The following DYM variants were observed in gnomAD, a reference collection of about 807,000 sequenced individuals.
DYM encodes the protein dyggve-Melchior-Clausen syndrome protein.
A neutral mutation model predicts 93.1 loss-of-function variants in DYM; 78 were observed. The ratio of observed to expected loss-of-function variants is 0.84; its 90% CI spans 0.70 to 1.01. The LOEUF (loss-of-function observed/expected upper bound fraction) is 1.01. Among genes scored for constraint, DYM ranks in the 50% least tolerant of loss-of-function variants. DYM has a pLI of 0.00. For synonymous variants in DYM, 321 were observed against 319.7 expected (o/e 1.00, Z -0.04); for missense variants, 789 against 845.0 (o/e 0.93, Z 0.82).
chr18:49,041,186 G>T lies in DYM; in HGVS notation c.*2869C>A, dbSNP rs1345026608. 6.6e-6 allele frequency among the ~76,000 whole-genome samples: 1 copy of T among 152,188 alleles called. No individual in the cohort carries two copies. The highest frequency in any genetic ancestry group is 1.5e-5 in the Non-Finnish European group (1 of 68,026). On this transcript the variant is annotated 3_prime_UTR_variant, in exon 18 of 18. Coordinates refer to ENST00000675505, the MANE Select transcript of DYM (RefSeq NM_001353214.3). ...AGATTGTATGACACCAGCCTCAACG[G>T]GTGACTGTGGGAACTAGAGTTAGAA...
intron 14 of DYM, among the ~76,000 whole-genome samples, chr18:49,207,333 GGA>G (rs2092565080): frequency 6.6e-6 from 1 of 152,174 alleles, no homozygotes; most frequent in South Asian, 2.1e-4. Flanking sequence ...CAAAACCATA[GGA>G]GAGATATGAC....
intron 16 of DYM, 151 bp from the exon 17 acceptor site, chr18:49,097,666 C>T (rs2079679376): frequency 1.3e-6 from 1 of 748,946 alleles, no homozygotes; most frequent in East Asian, 2.7e-5. Flanking sequence ...GCAGTTTGCT[C>T]TCCGTTGGGT....
intron 14 of DYM, among the ~76,000 whole-genome samples, chr18:49,170,732 T>G (rs1265495414): frequency 7.7e-6 from 1 of 130,164 alleles, no homozygotes; most frequent in East Asian, 2.2e-4. Flanking sequence ...TGAGCTGAGA[T>G]TCTCAAGTGC....
chr18:49,102,323 C>T (rs1395197210), intron 16 of DYM, among the ~76,000 whole-genome samples: 17 of 152,180 alleles, frequency 1.1e-4, no homozygotes, highest in Non-Finnish European at 2.9e-5. Flanking sequence ...CATTTATGTT[C>T]ACCTTAAATT....
intron 17 of DYM, among the ~76,000 whole-genome samples, chr18:49,052,117 C>A (rs938267968): frequency 6.6e-6 from 1 of 152,236 alleles, no homozygotes; most frequent in African/African-American, 2.4e-5. Context: ...GAGTAAACAC[C>A]TGGAAGCACA....
At chr18:49,428,724 G>A (rs1290016477) in intron 2 of DYM, among the ~76,000 whole-genome samples, 3 of 152,086 alleles carry the variant, frequency 2.0e-5, no homozygotes, top group Non-Finnish European at 4.4e-5. Flanking sequence ...TCTAGAGTTT[G>A]GGGGAGTGTC....
intron 14 of DYM, among the ~76,000 whole-genome samples, chr18:49,205,087 A>C (rs996274598): frequency 6.6e-5 from 10 of 152,134 alleles, no homozygotes; most frequent in African/African-American, 2.4e-4. Context: ...CAGCCTCCCA[A>C]GTAGCTGGGA....
At chr18:49,360,945 C>T (rs2147320684) in intron 6 of DYM, among the ~76,000 whole-genome samples, 1 of 152,340 alleles carries the variant, frequency 6.6e-6, no homozygotes, top group Admixed American at 6.5e-5. Flanking sequence ...CCAAGCATTG[C>T]CTCCACATTC....
intron 11 of DYM, among the ~76,000 whole-genome samples, 169 bp from the exon 12 acceptor site, chr18:49,258,662 T>G (rs999203446): frequency 1.4e-4 from 21 of 152,070 alleles, no homozygotes; most frequent in Non-Finnish European, 1.6e-4. Flanking sequence ...GATGCTCCAG[T>G]GCTCTGCCAT....
intron 17 of DYM, among the ~76,000 whole-genome samples, chr18:49,089,278 T>G (rs918098257): frequency 2.6e-5 from 4 of 152,118 alleles, no homozygotes; most frequent in African/African-American, 9.7e-5. Context: ...AAAAAGGAAG[T>G]TGAGTCAAAA....
At position 49,444,221 on chromosome 18, in the gene DYM, T is replaced by C. The variant is rs186512800; in HGVS notation, c.-53-13774A>G. 1.4e-3 allele frequency among the ~76,000 whole-genome samples: 213 copies of C among 152,332 alleles called. 3 individuals carry two copies. The highest frequency in any genetic ancestry group is 6.6e-4 in the Non-Finnish European group (45 of 68,030). On this transcript the variant is annotated intron_variant, in intron 1 of 17. Transcript: ENST00000675505. ...ACCGTAATGTCACAGGTAAATTTCA[T>C]TTGTTCTCATGACATTTTTGTCAGA...
intron 6 of DYM, among the ~76,000 whole-genome samples, chr18:49,337,909 C>G (rs1229546805): frequency 1.3e-5 from 2 of 151,820 alleles, no homozygotes; most frequent in African/African-American, 4.8e-5. Context: ...ACAAAAAGGT[C>G]TGGTAGTTTT....
chr18:49,324,803 T>G (rs752106154), intron 8 of DYM, among the ~76,000 whole-genome samples: 4 of 152,248 alleles, frequency 2.6e-5, no homozygotes, highest in Non-Finnish European at 5.9e-5. Flanking sequence ...CAAAAACAGT[T>G]ATTTACATGG....
intron 13 of DYM, among the ~76,000 whole-genome samples, chr18:49,213,147 GAAC>G (rs1429374305): frequency 6.6e-6 from 1 of 152,018 alleles, no homozygotes; most frequent in Non-Finnish European, 1.5e-5. Flanking sequence ...TTCTGTCCTA[GAAC>G]AACATTCAAG....
chr18:49,115,999 G>A (rs888931565), intron 16 of DYM: 1 of 152,162 alleles, frequency 6.6e-6, no homozygotes, highest in Non-Finnish European at 1.5e-5. Context: ...TGAGACTACT[G>A]TAGGTAGATG....
At chr18:49,225,606 G>A (rs1241027702) in intron 13 of DYM, among the ~76,000 whole-genome samples, 1 of 152,058 alleles carries the variant, frequency 6.6e-6, no homozygotes, top group Non-Finnish European at 1.5e-5. Context: ...TCTGTGAGTT[G>A]TTTTATTAAT....
chr18:49,060,628 G>T (rs1177851339), intron 17 of DYM, among the ~76,000 whole-genome samples: 2 of 130,366 alleles, frequency 1.5e-5, no homozygotes, highest in Non-Finnish European at 3.3e-5. Context: ...AGAGAAGGGA[G>T]GGGGGAGAGA....
chr18:49,412,898 G>A (rs1016787178), intron 2 of DYM: 7 of 152,182 alleles, frequency 4.6e-5, no homozygotes, highest in Non-Finnish European at 1.0e-4. Flanking sequence ...GGATCATTCA[G>A]GCAGCTCTGC....
In DYM at chr18:49,257,837, G is replaced by T. The variant is rs114959853; in HGVS notation, c.1365+543C>A. 3.1e-3 allele frequency among the ~76,000 whole-genome samples: 464 copies of T among 151,644 alleles called. 4 individuals are homozygous for T. Among genetic ancestry groups the T allele is most frequent in the African/African-American group, 0.01 (432 of 41,286 alleles). On this transcript the variant is annotated intron_variant, in intron 12 of 17. Transcript: ENST00000675505. ...CACTCCTGTGCAGCCTAGGCTGAAG[G>T]GCAGTGGCACAATCGTAGCTCAAAA... is the stretch of plus-strand genomic sequence containing the variant.
Sources: allele counts gnomAD v4.1 joint callset (sites outside exome capture counted in the v4.1 genomes callset), GRCh38; gene constraint gnomAD v4.1.1; transcripts MANE v1.5; gene names NCBI Gene and HGNC (gene_info 2026-07-23, HGNC 2026-07-21).